TMEM178B: variants seen among roughly 807,000 people sequenced by gnomAD.
TMEM178B encodes the protein transmembrane protein 178B.
TMEM178B carries 5 observed loss-of-function variants against 31.0 expected under a neutral mutation model. The ratio of observed to expected loss-of-function variants is 0.16; its 90% CI spans 0.08 to 0.34. The LOEUF is 0.34. Ranked by LOEUF, TMEM178B falls within the 10% of genes least tolerant of loss-of-function variation. TMEM178B has a pLI of 1.00. For missense variants in TMEM178B, 275 were observed against 400.3 expected (o/e 0.69, Z 2.67); for synonymous variants, 164 against 164.0 (o/e 1.00, Z 0.00).
rs111341227 is a variant in TMEM178B, at chr7:141,099,479, A to G, written c.382+24787A>G. ...TAATTCATCCTGAATTGAATTGTCA[A>G]TGTGCTGAATGGACTCATATGTAGC... On this transcript the variant is annotated intron_variant, in intron 1 of 3. Coordinates refer to ENST00000565468, the MANE Select transcript of TMEM178B (RefSeq NM_001195278.2). Among the ~76,000 whole-genome samples, 392 of 152,310 alleles carry G rather than the reference A, an allele frequency of 2.6e-3. 2 individuals carry two copies. The highest frequency in any genetic ancestry group is 8.5e-3 in the African/African-American group (354 of 41,570).
intron 2 of TMEM178B, among the ~76,000 whole-genome samples, chr7:141,329,157 C>T (rs893759142): frequency 1.3e-5 from 2 of 152,124 alleles, no homozygotes; most frequent in Admixed American, 6.5e-5. Flanking sequence ...TCTGTTACTT[C>T]CCTCCAGCGT....
intron 2 of TMEM178B, among the ~76,000 whole-genome samples, chr7:141,377,142 C>T (rs1800229157): frequency 6.6e-6 from 1 of 151,196 alleles, no homozygotes; most frequent in African/African-American, 2.4e-5. Context: ...TTTCTGTAAT[C>T]CATGGGGGCT....
At chr7:141,346,253 C>A (rs1355464020) in intron 2 of TMEM178B, among the ~76,000 whole-genome samples, 2 of 151,630 alleles carry the variant, frequency 1.3e-5, no homozygotes, top group African/African-American at 2.4e-5. Context: ...AAAAAACAAA[C>A]AAAAAAACCT....
intron 1 of TMEM178B, among the ~76,000 whole-genome samples, chr7:141,094,828 C>T (rs1794932067): frequency 6.6e-6 from 1 of 152,202 alleles, no homozygotes. Flanking sequence ...TAGCCACATT[C>T]TTGCCTTGTC....
intron 1 of TMEM178B, among the ~76,000 whole-genome samples, chr7:141,131,585 A>T (rs562384797): frequency 6.6e-6 from 1 of 152,238 alleles, no homozygotes; most frequent in Admixed American, 6.5e-5. Context: ...CTCTTTGTCT[A>T]CCTGGCTTCT....
intron 1 of TMEM178B, among the ~76,000 whole-genome samples, chr7:141,162,085 G>A (rs906052193): frequency 5.3e-5 from 8 of 152,266 alleles, no homozygotes; most frequent in Admixed American, 2.0e-4. Context: ...GCCAATAACC[G>A]CCTTTCTCCA....
At chr7:141,168,052 C>T (rs1204456619) in intron 1 of TMEM178B, among the ~76,000 whole-genome samples, 2 of 152,172 alleles carry the variant, frequency 1.3e-5, no homozygotes, top group East Asian at 1.9e-4. Context: ...CTTTTTCAGG[C>T]ACATTTTCTT....
intron 2 of TMEM178B, among the ~76,000 whole-genome samples, chr7:141,364,435 CG>C (rs1285383410): frequency 6.6e-6 from 1 of 151,938 alleles, no homozygotes; most frequent in East Asian, 1.9e-4. Flanking sequence ...CCAAGGTGGG[CG>C]GATCCTGAGG....
At chr7:141,404,238 G>A (rs1054464078) in intron 2 of TMEM178B, among the ~76,000 whole-genome samples, 15 of 152,330 alleles carry the variant, frequency 9.8e-5, no homozygotes, top group African/African-American at 3.6e-4. Context: ...CCAGGAAGCG[G>A]AGCTTGCAAT....
At chr7:141,469,899 T>A (rs989378038) in intron 3 of TMEM178B, among the ~76,000 whole-genome samples, 9 of 152,224 alleles carry the variant, frequency 5.9e-5, no homozygotes, top group Non-Finnish European at 1.2e-4. Context: ...TGCGTGTTCA[T>A]GGGTGAGAAG....
At chr7:141,199,377 T>C (rs930678281) in intron 1 of TMEM178B, among the ~76,000 whole-genome samples, 1 of 152,076 alleles carries the variant, frequency 6.6e-6, no homozygotes, top group Non-Finnish European at 1.5e-5. Context: ...AAAAAGAGTC[T>C]CTTGATAAAG....
chr7:141,462,216 C>T (rs1802070864), intron 3 of TMEM178B, among the ~76,000 whole-genome samples: 1 of 152,164 alleles, frequency 6.6e-6, no homozygotes, highest in African/African-American at 2.4e-5. Context: ...ACCATCCTCC[C>T]TCAAATTGCA....
At chr7:141,379,668 A>G (rs1800280493) in intron 2 of TMEM178B, among the ~76,000 whole-genome samples, 1 of 152,220 alleles carries the variant, frequency 6.6e-6, no homozygotes. Context: ...CTGTGGCATG[A>G]GAATCCTTTC....
At chr7:141,176,462 G>A (rs1796436379) in intron 1 of TMEM178B, among the ~76,000 whole-genome samples, 1 of 152,170 alleles carries the variant, frequency 6.6e-6, no homozygotes, top group South Asian at 2.1e-4. Context: ...TCAGGATGAT[G>A]CTGGCCTCAT....
intron 2 of TMEM178B, among the ~76,000 whole-genome samples, chr7:141,436,640 T>C (rs1181523109): frequency 2.1e-5 from 3 of 145,306 alleles, no homozygotes; most frequent in Non-Finnish European, 4.5e-5. Context: ...TGGTGGGGGC[T>C]GGGGTGCGGT....
chr7:141,138,645 A>C (rs1795715691), intron 1 of TMEM178B, among the ~76,000 whole-genome samples: 1 of 152,090 alleles, frequency 6.6e-6, no homozygotes, highest in Non-Finnish European at 1.5e-5. Flanking sequence ...AACCTGTTTC[A>C]AAATTCAGTC....
At chr7:141,213,677 T>G (rs746494632) in intron 2 of TMEM178B, among the ~76,000 whole-genome samples, 6 of 152,232 alleles carry the variant, frequency 3.9e-5, no homozygotes, top group Non-Finnish European at 8.8e-5. Context: ...GGTGCTTAGT[T>G]ATCTTTTTCG....
chr7:141,394,540 G>A (rs1434330258), intron 2 of TMEM178B, among the ~76,000 whole-genome samples: 1 of 152,180 alleles, frequency 6.6e-6, no homozygotes, highest in Non-Finnish European at 1.5e-5. Flanking sequence ...TTTGGGGATA[G>A]TAAGTTACAT....
intron 2 of TMEM178B, among the ~76,000 whole-genome samples, chr7:141,393,610 A>G (rs931512476): frequency 7.2e-5 from 11 of 152,234 alleles, no homozygotes; most frequent in Non-Finnish European, 1.5e-5. Flanking sequence ...TGGGTATACC[A>G]GCAGCTGCTC....
Sources: gnomAD v4.1 joint callset for allele counts (sites outside exome capture counted in the v4.1 genomes callset) on GRCh38, gnomAD v4.1.1 for gene constraint, MANE v1.5 for transcripts, NCBI Gene and HGNC (gene_info 2026-07-23, HGNC 2026-07-21) for gene names.